Variants in RP1 observed in about 807,000 individuals in gnomAD.
RP1 encodes the protein oxygen-regulated protein 1.
In RP1, 16 loss-of-function variants were observed where a neutral mutation model predicts 14.8. The observed-to-expected ratio is 1.08, with a 90% confidence interval of 0.73 to 1.65. The LOEUF is 1.65. Among genes scored for constraint, RP1 ranks in the 40% most tolerant of loss-of-function variants. The probability of loss-of-function intolerance (pLI) is 0.00; values close to 1 mark genes in which losing one functional copy is unlikely to be tolerated. For missense variants in RP1, 2,631 were observed against 2,535.0 expected (o/e 1.04, Z -0.81); for synonymous variants, 876 against 883.6 (o/e 0.99, Z 0.15).
intron 25 of RP1, among the ~76,000 whole-genome samples, chr8:54,851,390 A>T (rs1307601408): frequency 6.6e-6 from 1 of 152,090 alleles, no homozygotes; most frequent in African/African-American, 2.4e-5. Context: ...AAGCAAGTTC[A>T]CTCTTCATCT....
At chr8:54,776,626 G>C (rs1159143760) in intron 23 of RP1, among the ~76,000 whole-genome samples, 1 of 152,210 alleles carries the variant, frequency 6.6e-6, no homozygotes, top group African/African-American at 2.4e-5. Flanking sequence ...CCAAGATAAG[G>C]TGGGTGATTA....
intron 17 of RP1, among the ~76,000 whole-genome samples, chr8:54,726,783 T>C (rs1302767805): frequency 6.9e-6 from 1 of 144,394 alleles, no homozygotes; most frequent in Non-Finnish European, 1.5e-5. Context: ...ATGAATATAT[T>C]TTATGAAAAA....
At chr8:54,699,519 T>A in exon 13 of RP1, 1 of 1,413,840 alleles carries the variant, frequency 7.1e-7, no homozygotes, top group Non-Finnish European at 9.3e-7. Context: ...TCCAAAGTCA[T>A]GAGATGAGGC....
chr8:54,773,763 A>T (rs1030129343), downstream of RP1, among the ~76,000 whole-genome samples: 1 of 152,236 alleles, frequency 6.6e-6, no homozygotes, highest in East Asian at 1.9e-4. Context: ...CTTAACCATT[A>T]TACAAAACTG....
chr8:54,650,679 T>G (rs1585581388), intron 4 of RP1, among the ~76,000 whole-genome samples: 1 of 84,818 alleles, frequency 1.2e-5, no homozygotes, highest in East Asian at 3.9e-4. Flanking sequence ...TCTACCTCCC[T>G]CCTCCCTCCT....
At position 54,601,580 on chromosome 8, in the gene RP1, A is replaced by C. The variant is rs1364030287; in HGVS notation, c.-12-19375A>C. ...TAAAACTTAAAGTATAATAAAAAAA[A>C]ACAAAATAAAAAACTTAGAAAAAAA... is the stretch of plus-strand genomic sequence containing the variant. On this transcript the variant is annotated intron_variant, in intron 1 of 22. Transcript: ENST00000636932. Among the ~76,000 whole-genome samples, 3 of 151,506 alleles carry C rather than the reference A, an allele frequency of 2.0e-5. No homozygotes were observed. The East Asian group carries it at 5.8e-4, about 29-fold the overall frequency.
At chr8:54,679,427 G>T (rs1284126870) in exon 10 of RP1, 3 of 1,535,722 alleles carry the variant, frequency 2.0e-6, no homozygotes, top group African/African-American at 2.7e-5. Context: ...CAGATGGCTA[G>T]ATCAGGGGGA....
intron 12 of RP1, among the ~76,000 whole-genome samples, chr8:54,689,502 G>A (rs1807657649): frequency 6.6e-6 from 1 of 152,008 alleles, no homozygotes; most frequent in African/African-American, 2.4e-5. Context: ...TTCTTTCAAA[G>A]TCAATTACTA....
intron 5 of RP1, chr8:54,652,978 C>G (rs984656489): frequency 1.9e-5 from 13 of 670,022 alleles, no homozygotes. Context: ...CCTTTTTAGC[C>G]AGTGCTTTCT....
intron 17 of RP1, among the ~76,000 whole-genome samples, chr8:54,731,118 T>A (rs934308957): frequency 6.6e-5 from 10 of 152,214 alleles, no homozygotes; most frequent in African/African-American, 2.2e-4. Flanking sequence ...TGACCTTAAC[T>A]TTAATCAACC....
At position 54,628,383 on chromosome 8, in the gene RP1, A is replaced by C; in HGVS notation, c.4501A>C (p.Ser1501Arg). ...EELIQEEVEA[S>R]KTLELIDISS... Reference sequence around the variant, plus strand: ...ATTAATCCAAGAAGAGGTAGAGGCTAGTAAAACTTTAGAATTGATAGACAT... The same window carrying C: ...ATTAATCCAAGAAGAGGTAGAGGCTCGTAAAACTTTAGAATTGATAGACAT... Residue 1501 changes from serine (S) to arginine (R), a missense_variant, in exon 4 of 4, where the codon AGT (serine) becomes CGT (arginine). By Grantham distance (110) the Ser-to-Arg change is moderately radical. Coordinates refer to ENST00000220676, the MANE Select transcript of RP1 (RefSeq NM_006269.2). 1 of 1,613,596 alleles carries C rather than the reference A, an allele frequency of 6.2e-7. No homozygotes were observed. The highest frequency in any genetic ancestry group is 8.5e-7 in the Non-Finnish European group (1 of 1,179,712).
chr8:54,712,283 AC>A (rs1441225571), intron 15 of RP1, among the ~76,000 whole-genome samples: 1 of 152,044 alleles, frequency 6.6e-6, no homozygotes, highest in African/African-American at 2.4e-5. Context: ...GGTCTGGGAG[AC>A]CGTCCTGCTT....
chr8:54,754,973 C>A, intron 20 of RP1: 1 of 1,438,170 alleles, frequency 7.0e-7, no homozygotes, highest in Non-Finnish European at 9.1e-7. Context: ...ATTCCATAGA[C>A]AAATTGTTTG....
intron 1 of RP1, among the ~76,000 whole-genome samples, chr8:54,585,920 A>G (rs1023163385): frequency 6.6e-6 from 1 of 152,132 alleles, no homozygotes; most frequent in Non-Finnish European, 1.5e-5. Flanking sequence ...TAAGGTTTTT[A>G]ACTTCTTTGC....
At chr8:54,711,030 C>T (rs1019597156) in intron 15 of RP1, among the ~76,000 whole-genome samples, 1 of 152,144 alleles carries the variant, frequency 6.6e-6, no homozygotes, top group South Asian at 2.1e-4. Context: ...TCTCTGACTC[C>T]TGTTGCTGTC....
At chr8:54,681,702 A>G (rs1807436819) in intron 12 of RP1, among the ~76,000 whole-genome samples, 1 of 151,932 alleles carries the variant, frequency 6.6e-6, no homozygotes, top group Non-Finnish European at 1.5e-5. Context: ...GACCCCCAAC[A>G]GGTCCCAGTG....
intron 13 of RP1, among the ~76,000 whole-genome samples, chr8:54,699,931 A>G (rs1363817470): frequency 6.6e-6 from 1 of 152,214 alleles, no homozygotes; most frequent in Non-Finnish European, 1.5e-5. Context: ...GTAGCATTTA[A>G]TGTAATGCAT....
At position 54,737,562 on chromosome 8, in the gene RP1, T is replaced by C. The variant is rs140713887; in HGVS notation, c.2722-1381T>C. ...TGGGAGGAAGAGCTAGCCTCTGAGT[T>C]CTGCCACTGAAACCAGCTCTGGGAA... On this transcript the variant is annotated intron_variant, in intron 18 of 22. Coordinates refer to the RP1 transcript ENST00000636932. Among the ~76,000 whole-genome samples the C allele has an allele frequency of 9.2e-5, 14 of 152,304 alleles. No individual in the cohort carries two copies. The East Asian group carries it at 2.7e-3, about 29-fold the overall frequency.
At chr8:54,668,234 GACAA>G (rs1436560067) in intron 7 of RP1, among the ~76,000 whole-genome samples, 2 of 152,096 alleles carry the variant, frequency 1.3e-5, no homozygotes, top group Admixed American at 6.6e-5. Flanking sequence ...ACCAATAACA[GACAA>G]ACAGAGAGCC....
Sources: allele counts gnomAD v4.1 joint callset (sites outside exome capture counted in the v4.1 genomes callset), GRCh38; gene constraint gnomAD v4.1.1; transcripts MANE v1.5; gene names NCBI Gene and HGNC (gene_info 2026-07-23, HGNC 2026-07-21).